The following KIAA1549L variants were observed in gnomAD, a reference collection of about 807,000 sequenced individuals.
KIAA1549L encodes UPF0606 protein KIAA1549L.
Under a neutral mutation model 160.7 loss-of-function variants are expected in KIAA1549L, and 88 were observed. The observed-to-expected ratio is 0.55, with a 90% CI of 0.46 to 0.65. The LOEUF (loss-of-function observed/expected upper bound fraction) is 0.65. KIAA1549L is among the 30% of genes least tolerant of loss of function. The pLI is 0.00. For synonymous variants in KIAA1549L, 950 were observed against 976.7 expected (o/e 0.97, Z 0.51); for missense variants, 2,258 against 2,437.5 (o/e 0.93, Z 1.55).
chr11:33,574,400 A>G (rs545393311), intron 9 of KIAA1549L, among the ~76,000 whole-genome samples: 5 of 152,334 alleles, frequency 3.3e-5, no homozygotes, highest in African/African-American at 1.2e-4. Context: ...GCAGAGGCCT[A>G]TTTTCAAATG....
chr11:33,638,462 TACTC>T (rs1309474994), intron 16 of KIAA1549L, among the ~76,000 whole-genome samples: 1 of 19,046 alleles, frequency 5.3e-5, no homozygotes, highest in Non-Finnish European at 8.6e-5. Flanking sequence ...ATAAATAAAA[TACTC>T]ATCTATGAGT....
chr11:33,555,634 T>C (rs1477507965), intron 6 of KIAA1549L, among the ~76,000 whole-genome samples: 1 of 152,240 alleles, frequency 6.6e-6, no homozygotes, highest in African/African-American at 2.4e-5. Context: ...GTTGGATCCT[T>C]ACTTAACACC....
At chr11:33,607,853 A>G (rs980920441) in intron 14 of KIAA1549L, among the ~76,000 whole-genome samples, 5 of 152,200 alleles carry the variant, frequency 3.3e-5, no homozygotes, top group African/African-American at 1.2e-4. Flanking sequence ...TGGCCTAAAG[A>G]TGTGATGGGT....
At chr11:33,537,012 T>C (rs1042309896) in intron 1 of KIAA1549L, among the ~76,000 whole-genome samples, 5 of 152,234 alleles carry the variant, frequency 3.3e-5, no homozygotes, top group African/African-American at 9.6e-5. Context: ...TGATGGCTAC[T>C]GGAGCAATGG....
chr11:33,671,332 C>T lies in KIAA1549L; in HGVS notation c.*3178C>T, dbSNP rs1852668364. ...AGGCAGCAGAGTCCATGCTCTGCAT[C>T]AGGGGAGGTGCAGTAAAGGTCCATT... On this transcript the variant is annotated 3_prime_UTR_variant, in exon 21 of 21. Transcript: ENST00000658780. 6.6e-6 allele frequency: 1 copy of T among 152,130 alleles called. No individual in the cohort carries two copies. The highest frequency in any genetic ancestry group is 2.4e-5 in the African/African-American group (1 of 41,408). The allele number at this position is 152,130 out of a possible 1,614,324, so 9.4% of individuals were successfully genotyped here. A position where few individuals can be genotyped will look rare whatever the true frequency, so the allele number is the denominator to read the frequency against.
intron 1 of KIAA1549L, among the ~76,000 whole-genome samples, chr11:33,446,827 G>GATCACGCC (rs1171484822): frequency 6.6e-6 from 1 of 151,778 alleles, no homozygotes; most frequent in Non-Finnish European, 1.5e-5. Context: ...TGATCCAAGT[G>GATCACGCC]ATCACGCCAA....
chr11:33,615,021 T>TGA (rs1718952967), intron 15 of KIAA1549L, among the ~76,000 whole-genome samples: 1 of 152,144 alleles, frequency 6.6e-6, no homozygotes, highest in South Asian at 2.1e-4. Flanking sequence ...CCAGTGGGCT[T>TGA]GAGCCTCCGT....
At chr11:33,402,214 GC>G (rs1400678527) in intron 1 of KIAA1549L, among the ~76,000 whole-genome samples, 2 of 152,178 alleles carry the variant, frequency 1.3e-5, no homozygotes, top group Non-Finnish European at 2.9e-5. Flanking sequence ...TGGCCATCCT[GC>G]TGTATTCCTA....
chr11:33,378,530 C>T (rs774202333), intron 1 of KIAA1549L, among the ~76,000 whole-genome samples: 4 of 152,072 alleles, frequency 2.6e-5, no homozygotes, highest in Admixed American at 1.3e-4. Flanking sequence ...CATGGGGATA[C>T]GGGGCTGGGA....
intron 16 of KIAA1549L, among the ~76,000 whole-genome samples, chr11:33,630,863 GGCATTA>G (rs1171381022): frequency 6.6e-6 from 1 of 152,216 alleles, no homozygotes; most frequent in African/African-American, 2.4e-5. Context: ...TCTGCTGGCT[GGCATTA>G]GCATTAGCAT....
intron 1 of KIAA1549L, among the ~76,000 whole-genome samples, chr11:33,472,275 C>CTTT (rs76771436): frequency 1.5e-4 from 15 of 102,760 alleles, no homozygotes; most frequent in Middle Eastern, 5.4e-3. Context: ...TCATGCCTGG[C>CTTT]TTTTTTTTTT....
chr11:33,667,781 G>GC, intron 20 of KIAA1549L, 92 bp from the exon 21 acceptor site: 1 of 1,095,678 alleles, frequency 9.1e-7, no homozygotes, highest in East Asian at 2.6e-5. Context: ...CATGTCCTCA[G>GC]CCCCCTCCTG....
At chr11:33,548,864 CCCCT>C (rs1219166163) in intron 4 of KIAA1549L, among the ~76,000 whole-genome samples, 1 of 152,104 alleles carries the variant, frequency 6.6e-6, no homozygotes, top group East Asian at 1.9e-4. Context: ...GCTTACTGAC[CCCCT>C]CCCTCCCATC....
chr11:33,552,030 T>C, intron 5 of KIAA1549L, 78 bp from the exon 6 acceptor site: 1 of 1,527,644 alleles, frequency 6.5e-7, no homozygotes, highest in Non-Finnish European at 8.9e-7. Context: ...CGTGCTGTTT[T>C]ATATTATGAC....
rs1458542128 is a variant in KIAA1549L, at chr11:33,618,654, G to A, written c.5401G>A (p.Gly1801Arg). The A allele has an allele frequency of 6.3e-6, 10 of 1,589,424 alleles. No homozygotes were observed. The highest frequency in any genetic ancestry group is 5.1e-6 in the Non-Finnish European group (6 of 1,166,520). Residue 1801 changes from glycine (G) to arginine (R), a missense_variant, in exon 16 of 21, where the codon GGA becomes AGA. This residue lies in a region of KIAA1549L where 1,359 missense variants were observed against 1,546.6 expected (regional missense o/e 0.88). Coordinates refer to ENST00000658780, the MANE Select transcript of KIAA1549L (RefSeq NM_012194.3). ...ERPRRGIRNS[G>R]YDTEPEIIEE... is the part of the protein sequence containing the mutation. Reference sequence around the variant, plus strand: ...ACCCCGGCGTGGAATCCGCAACAGCGGATACGATGTGAGTCTCTGGTGGGC... The same window carrying A: ...ACCCCGGCGTGGAATCCGCAACAGCAGATACGATGTGAGTCTCTGGTGGGC...
At chr11:33,408,806 C>T (rs761065189) in intron 1 of KIAA1549L, among the ~76,000 whole-genome samples, 6 of 149,808 alleles carry the variant, frequency 4.0e-5, no homozygotes, top group East Asian at 1.9e-4. Context: ...AAAAATTAGC[C>T]GGACATAGTG....
rs1337154333 is a variant in KIAA1549L at position 33,542,391 on chromosome 11, A to C, written c.828A>C (p.Thr276=). The C allele has an allele frequency of 9.6e-6, 13 of 1,353,542 alleles. No homozygotes were observed. The highest frequency in any genetic ancestry group is 1.3e-5 in the Non-Finnish European group (13 of 986,636). 83.8% of individuals were successfully genotyped at this position (1,353,542 alleles called of 1,614,324 possible). The part of the protein sequence containing the change: ...QSPKVLLVPQ[T]APADPSLGQN... ...CCAAAGTGCTGTTAGTTCCCCAAAC[A>C]GCTCCAGCCGACCCCTCTTTAGGTC... The change falls in exon 2 of 21, where the codon ACA becomes ACC. Residue 276 remains threonine, a synonymous_variant. Transcript: ENST00000658780.
chr11:33,565,648 G>C (rs1369296641), intron 8 of KIAA1549L, among the ~76,000 whole-genome samples: 4 of 151,284 alleles, frequency 2.6e-5, no homozygotes, highest in Non-Finnish European at 5.9e-5. Context: ...AGATTGTCCA[G>C]TTGATCCCCT....
intron 6 of KIAA1549L, among the ~76,000 whole-genome samples, chr11:33,552,621 A>G (rs1274360404): frequency 1.3e-5 from 2 of 150,820 alleles, no homozygotes. Flanking sequence ...GCATTGGCTT[A>G]TATTCCAGTT....
Sources: allele counts gnomAD v4.1 joint callset (sites outside exome capture counted in the v4.1 genomes callset), GRCh38; gene constraint gnomAD v4.1.1; regional missense constraint gnomAD v4.1.1; transcripts MANE v1.5; gene names NCBI Gene and HGNC (gene_info 2026-07-23, HGNC 2026-07-21).